The following SNX24 variants were observed in gnomAD, a reference collection of about 807,000 sequenced individuals.
SNX24 encodes the protein sorting nexin 24.
Under a neutral mutation model 28.7 loss-of-function variants are expected in SNX24, and 22 were observed. The ratio of observed to expected loss-of-function variants is 0.77; its 90% CI spans 0.55 to 1.10. The LOEUF (loss-of-function observed/expected upper bound fraction) is 1.10, where lower values mean the gene tolerates loss of function less well. Ranked by LOEUF, SNX24 falls within the 50% of genes least tolerant of loss-of-function variation. The pLI, the probability that SNX24 is intolerant of heterozygous loss-of-function variation, is 0.00. For synonymous variants in SNX24, 69 were observed against 71.5 expected (o/e 0.96, Z 0.18); for missense variants, 221 against 201.1 (o/e 1.10, Z -0.60).
At position 122,850,249 on chromosome 5, in the gene SNX24, G is replaced by T. The variant is rs149178368; in HGVS notation, c.60+4556G>T. Among the ~76,000 whole-genome samples, 342 of 152,314 alleles carry T rather than the reference G, an allele frequency of 2.2e-3. 1 individual carries two copies. Among genetic ancestry groups the T allele is most frequent in the African/African-American group, 7.7e-3 (318 of 41,566 alleles). On this transcript the variant is annotated intron_variant, in intron 1 of 6. Transcript: ENST00000261369. The stretch of plus-strand genomic sequence containing the variant: ...GGTGCTAGCAGATTCAGTGTCTAGC[G>T]AGGGTCCATTTCCAGGTTTGTAGGT...
At chr5:122,982,964 A>G (rs1761453616) in intron 3 of SNX24, 1 of 152,134 alleles carries the variant, frequency 6.6e-6, no homozygotes, top group Non-Finnish European at 1.5e-5. Flanking sequence ...TAGTATTAGT[A>G]CTGGTAATAA....
At chr5:122,952,949 T>A (rs1230238458) in intron 3 of SNX24, among the ~76,000 whole-genome samples, 1 of 151,884 alleles carries the variant, frequency 6.6e-6, no homozygotes, top group African/African-American at 2.4e-5. Context: ...CTTTCTGGAG[T>A]CCCAGAAGGA....
Position 123,026,462 on chromosome 5 carries a change from A to G in SNX24, n.384-2776A>G, listed in dbSNP as rs542338136. On this transcript the variant is annotated intron_variant and non_coding_transcript_variant, in intron 5 of 5. Coordinates refer to the SNX24 transcript ENST00000502387. ...CAATATATACCCACACCGAATTCTC[A>G]TAACAACCCTGAAGAGTAGGTATTC... 8.4e-4 allele frequency among the ~76,000 whole-genome samples: 128 copies of G among 152,342 alleles called. 1 individual carries two copies. In the South Asian group the frequency reaches 0.026, roughly 30 times the overall value.
intron 2 of SNX24, among the ~76,000 whole-genome samples, chr5:122,945,620 A>G (rs1453817411): frequency 6.6e-6 from 1 of 152,226 alleles, no homozygotes; most frequent in Admixed American, 6.5e-5. Context: ...TCTAGGGACA[A>G]TACTTATATA....
chr5:122,906,798 A>T (rs1757661683), intron 1 of SNX24, among the ~76,000 whole-genome samples: 1 of 152,160 alleles, frequency 6.6e-6, no homozygotes. Context: ...ATGAGCCACC[A>T]CACCTGGCCT....
intron 3 of SNX24, among the ~76,000 whole-genome samples, chr5:122,996,331 A>G (rs1762051738): frequency 6.6e-6 from 1 of 152,254 alleles, no homozygotes; most frequent in Non-Finnish European, 1.5e-5. Flanking sequence ...AAGTGAGCCC[A>G]GCAGTGAGTG....
At chr5:122,979,005 G>A (rs938198683) in intron 3 of SNX24, among the ~76,000 whole-genome samples, 12 of 152,174 alleles carry the variant, frequency 7.9e-5, no homozygotes, top group African/African-American at 2.9e-4. Flanking sequence ...CAATGAGAAT[G>A]TATTCTGTGT....
chr5:123,005,271 A>C (rs1373637705), intron 6 of SNX24, among the ~76,000 whole-genome samples: 1 of 151,244 alleles, frequency 6.6e-6, no homozygotes, highest in African/African-American at 2.4e-5. Flanking sequence ...GCATATGTTC[A>C]GCTCTTGGTG....
chr5:122,921,579 T>G lies in SNX24; in HGVS notation c.61-15155T>G, dbSNP rs529647805. Among the ~76,000 whole-genome samples, 3 of 152,170 alleles carry G rather than the reference T, an allele frequency of 2.0e-5. No individual in the cohort carries two copies. In the South Asian group the frequency reaches 6.2e-4, roughly 32 times the overall value. On this transcript the variant is annotated intron_variant, in intron 1 of 6. Transcript: ENST00000261369. ...AAAAAAAATTCACATCCAGGTGATG[T>G]AGGGGATTTAGTTTTGAAAGTCTAA...
chr5:122,928,222 A>G (rs1376077043), intron 1 of SNX24, among the ~76,000 whole-genome samples: 1 of 152,078 alleles, frequency 6.6e-6, no homozygotes, highest in Non-Finnish European at 1.5e-5. Context: ...TCACTCTTCC[A>G]TCTGCCTGGA....
intron 1 of SNX24, among the ~76,000 whole-genome samples, chr5:122,880,214 A>G (rs1581699346): frequency 6.6e-6 from 1 of 152,244 alleles, no homozygotes; most frequent in Non-Finnish European, 1.5e-5. Context: ...AAAATATTTC[A>G]TAAATGGAAT....
Position 122,959,648 on chromosome 5 carries a change from A to AT in SNX24, c.249+13492dup, listed in dbSNP as rs1174636979. 2.0e-5 allele frequency among the ~76,000 whole-genome samples: 3 copies of AT among 151,468 alleles called. 1 individual carries two copies. Among genetic ancestry groups the AT allele is most frequent in the Admixed American group, 2.0e-4 (3 of 15,234 alleles). ...TCATTTGGGAAGACTATCAACTGAG[A>AT]TTTCTTAAGGCATTGTTTTTGGGTT... On this transcript the variant is annotated intron_variant, in intron 3 of 6. Coordinates refer to ENST00000261369, the MANE Select transcript of SNX24 (RefSeq NM_014035.4).
intron 1 of SNX24, among the ~76,000 whole-genome samples, chr5:122,852,031 T>C (rs1169915278): frequency 6.6e-6 from 1 of 151,678 alleles, no homozygotes; most frequent in Admixed American, 6.6e-5. Context: ...GAATTAACAG[T>C]GATTTGTGTG....
intron 1 of SNX24, among the ~76,000 whole-genome samples, chr5:122,859,207 A>G (rs1755340711): frequency 6.6e-6 from 1 of 152,212 alleles, no homozygotes; most frequent in African/African-American, 2.4e-5. Flanking sequence ...GAAAAAGTTA[A>G]TGGCTCATGC....
At position 122,858,295 on chromosome 5, in the gene SNX24, C is replaced by A. The variant is rs545162630; in HGVS notation, c.60+12602C>A. Among the ~76,000 whole-genome samples the A allele has an allele frequency of 1.3e-4, 20 of 152,288 alleles. No individual in the cohort carries two copies. In the South Asian group the frequency reaches 4.1e-3, roughly 32 times the overall value. On this transcript the variant is annotated intron_variant, in intron 1 of 6. Transcript: ENST00000261369. ...CTTGGAGAATTACAAAACTGTGACACAGAGACATAAAGTGAGCACATGCTA... is the reference window on the plus strand; with the variant it reads ...CTTGGAGAATTACAAAACTGTGACAAAGAGACATAAAGTGAGCACATGCTA...
At chr5:122,935,229 G>T (rs2150115549) in intron 1 of SNX24, among the ~76,000 whole-genome samples, 1 of 152,092 alleles carries the variant, frequency 6.6e-6, no homozygotes, top group East Asian at 1.9e-4. Context: ...AGTAAAAAAG[G>T]GGCTCTGTAG....
intron 2 of SNX24, among the ~76,000 whole-genome samples, chr5:122,940,636 A>G (rs1431119249): frequency 6.6e-6 from 1 of 152,058 alleles, no homozygotes; most frequent in African/African-American, 2.4e-5. Flanking sequence ...CAGTGGTGCA[A>G]TCTAAGCTCA....
rs759971819 is a variant in SNX24 at position 122,845,683 on chromosome 5, G to T, written c.50G>T (p.Arg17Leu). The part of the protein sequence containing the change: ...SFRYEESDLE[R>L]GYTVFKIEVL... ...CGCTATGAAGAGAGCGACCTGGAGC[G>T]GGGATACACGGTAGGCGCGGGCCGC... Residue 17 changes from arginine (R) to leucine (L), a missense_variant, in exon 1 of 7, where the codon CGG becomes CTG. Physicochemically the swap from Arg to Leu is moderately radical, Grantham distance 102. Coordinates refer to ENST00000261369, the MANE Select transcript of SNX24 (RefSeq NM_014035.4). The T allele has an allele frequency of 2.1e-6, 3 of 1,414,658 alleles. No individual in the cohort carries two copies. The highest frequency in any genetic ancestry group is 2.8e-6 in the Non-Finnish European group (3 of 1,074,362). The allele number at this position is 1,414,658 out of a possible 1,614,324, so 87.6% of individuals were successfully genotyped here.
chr5:122,965,295 C>T (rs1760672500), intron 3 of SNX24: 1 of 314,868 alleles, frequency 3.2e-6, no homozygotes, highest in African/African-American at 2.1e-5. Flanking sequence ...CAGATTAGGC[C>T]CTCAGCCTGG....
Sources: gnomAD v4.1 joint callset for allele counts (sites outside exome capture counted in the v4.1 genomes callset) on GRCh38, gnomAD v4.1.1 for gene constraint, MANE v1.5 for transcripts, NCBI Gene and HGNC (gene_info 2026-07-23, HGNC 2026-07-21) for gene names.